Variants in TSC2 observed in about 807,000 individuals in gnomAD.
TSC2 encodes the protein TSC complex subunit 2, also known as tuberin.
TSC2 carries 29 observed loss-of-function variants against 202.2 expected under a neutral mutation model. The ratio of observed to expected loss-of-function variants is 0.14; its 90% CI spans 0.11 to 0.20. The LOEUF is 0.20. TSC2 is among the 10% of genes least tolerant of loss of function. The pLI, the probability that TSC2 is intolerant of heterozygous loss-of-function variation, is 1.00. For synonymous variants in TSC2, 1,349 were observed against 1,044.0 expected (o/e 1.29, Z -5.63); for missense variants, 2,429 against 2,420.0 (o/e 1.00, Z -0.08).
chr16:2,053,579 C>T (rs1567396408), intron 4 of TSC2, 127 bp downstream of exon 4: 2 of 975,794 alleles, frequency 2.0e-6, no homozygotes, highest in Non-Finnish European at 1.6e-6. Context: ...GGCTGATGGG[C>T]TCTGGAGCTG....
In TSC2 at chr16:2,088,977, C is replaced by G. The variant is rs978783873; in HGVS notation, c.*367C>G. 6.6e-6 allele frequency: 2 copies of G among 304,192 alleles called. No individual in the cohort carries two copies. Among genetic ancestry groups the G allele is most frequent in the Non-Finnish European group, 1.3e-5 (2 of 158,486 alleles). The allele number at this position is 304,192 out of a possible 1,614,324, so 18.8% of individuals were successfully genotyped here. ...ACCACCCTGGGGTCCTCTGACATGC[C>G]TAGTCCTGCTACTTGCCCAGACCTG... On this transcript the variant is annotated 3_prime_UTR_variant, in exon 42 of 42. Transcript: ENST00000219476.
chr16:2,087,994 C>T (rs2091072133), intron 39 of TSC2, 53 bp downstream of exon 39: 5 of 1,612,696 alleles, frequency 3.1e-6, no homozygotes, highest in Middle Eastern at 1.6e-4. Flanking sequence ...GGGTGGGGCC[C>T]TGCAGTGTGG....
intron 16 of TSC2, among the ~76,000 whole-genome samples, chr16:2,069,580 C>T (rs1040536321): frequency 2.8e-4 from 43 of 151,864 alleles, no homozygotes; most frequent in African/African-American, 8.5e-4. Flanking sequence ...CCTGGGTTCA[C>T]GCCATTCTCC....
rs45517278 is a variant in TSC2 at position 2,079,090 on chromosome 16, G to T, written c.3025G>T (p.Ala1009Ser). ...SLGSADENSV[A>S]QADDSLKNLH... is the part of the protein sequence containing the mutation. ...GGGGTCTGCAGATGAGAACTCCGTGGCCCAGGCTGACGATAGCCTGAAAAA... is the reference window on the plus strand; with the variant it reads ...GGGGTCTGCAGATGAGAACTCCGTGTCCCAGGCTGACGATAGCCTGAAAAA... Residue 1009 changes from alanine to serine, a missense_variant, in exon 27 of 42, where the codon GCC becomes TCC. Transcript: ENST00000219476. The surrounding 1 kb of genome is among the most constrained non-coding windows in gnomAD (Gnocchi z 4.6). 6.2e-7 allele frequency: 1 copy of T among 1,612,988 alleles called. No individual in the cohort carries two copies. The highest frequency in any genetic ancestry group is 8.5e-7 in the Non-Finnish European group (1 of 1,180,014).
At chr16:2,083,894 C>T in intron 33 of TSC2, 78 bp downstream of exon 33, 1 of 1,533,742 alleles carries the variant, frequency 6.5e-7, no homozygotes. Flanking sequence ...GTGGGTGTGC[C>T]TGCACCCTGG....
At chr16:2,082,635 C>G in intron 32 of TSC2, 131 bp downstream of exon 32, 1 of 976,382 alleles carries the variant, frequency 1.0e-6, no homozygotes, top group Non-Finnish European at 1.6e-6. Context: ...GGTCCCGACT[C>G]GCATGAGGAC....
intron 10 of TSC2, 139 bp from the exon 11 acceptor site, chr16:2,060,531 G>T: frequency 6.8e-7 from 1 of 1,473,444 alleles, no homozygotes; most frequent in Non-Finnish European, 9.4e-7. Flanking sequence ...CCCACCTGCT[G>T]TTTCTGCGGC....
At chr16:2,083,862 C>T (rs954111438) in intron 33 of TSC2, 46 bp downstream of exon 33, 2 of 1,588,028 alleles carry the variant, frequency 1.3e-6, no homozygotes, top group Admixed American at 1.7e-5. Context: ...CGGGGGGCTC[C>T]TTAGGGGAGG....
rs1265446222 is a variant in TSC2 at position 2,054,357 on chromosome 16, A to T, written c.398A>T (p.Asn133Ile). 6.2e-7 allele frequency: 1 copy of T among 1,614,196 alleles called. No individual in the cohort carries two copies. Among genetic ancestry groups the T allele is most frequent in the East Asian group, 2.2e-5 (1 of 44,880 alleles). Reference sequence around the variant, plus strand: ...AAGGTCATCAAGGATTACCCTTCCAACGAAGACCTTCACGAAAGGCTGGAG... The same window carrying T: ...AAGGTCATCAAGGATTACCCTTCCATCGAAGACCTTCACGAAAGGCTGGAG... ...FFKVIKDYPS[N>I]EDLHERLEVF... Residue 133 changes from asparagine to isoleucine, a missense_variant, in exon 5 of 42, where the codon AAC (asparagine) becomes ATC (isoleucine). Transcript: ENST00000219476.
Position 2,063,005 on chromosome 16 carries a change from G to A in TSC2, c.1395G>A (p.Val465=), listed in dbSNP as rs2151171914. Residue 465 remains valine, a synonymous_variant, in exon 14 of 42, where the codon GTG becomes GTA. Coordinates refer to ENST00000219476, the MANE Select transcript of TSC2 (RefSeq NM_000548.5). ...SESRGAVRIK[V]LDVLSFVLLI... ...CCCGAGGCGCCGTGCGCATCAAGGT[G>A]CTGGACGTGCTGTCCTTTGTGCTGC... 1 of 1,551,390 alleles carries A rather than the reference G, an allele frequency of 6.4e-7. No homozygotes were observed.
chr16:2,074,414 T>C (rs1180561875), intron 22 of TSC2, 25 bp downstream of exon 22: 2 of 1,606,324 alleles, frequency 1.2e-6, no homozygotes, highest in East Asian at 4.5e-5. Context: ...TGCCTGCGCA[T>C]GCACCCGAGA....
rs774895427 is a variant in TSC2, at chr16:2,071,553, G to A, written c.1883G>A (p.Arg628His). Reference sequence around the variant, plus strand: ...CTGCTGCGGGCCGACTCACTGCACCGCCTGGGCCTGCCCAACAAGGATGGA... The same window carrying A: ...CTGCTGCGGGCCGACTCACTGCACCACCTGGGCCTGCCCAACAAGGATGGA... ...LLLLRADSLH[R>H]LGLPNKDGVV... The change falls in exon 18 of 42, where the codon CGC becomes CAC. Residue 628 changes from arginine (R) to histidine (H), a missense_variant. By Grantham distance (29) the Arg-to-His change is conservative. Transcript: ENST00000219476. 2.3e-5 allele frequency: 37 copies of A among 1,613,448 alleles called. No homozygotes were observed. The highest frequency in any genetic ancestry group is 3.1e-5 in the Non-Finnish European group (36 of 1,180,034).
intron 15 of TSC2, 186 bp downstream of exon 15, chr16:2,064,613 T>A: frequency 1.2e-6 from 1 of 869,028 alleles, no homozygotes; most frequent in Non-Finnish European, 1.8e-6. Flanking sequence ...ATTTGTGTCC[T>A]GACTGAAAGT....
chr16:2,062,367 C>A, intron 12 of TSC2, 130 bp from the exon 13 acceptor site: 1 of 879,626 alleles, frequency 1.1e-6, no homozygotes, highest in South Asian at 1.5e-5. Flanking sequence ...GCCTTTGTGT[C>A]TGGGCTGTGG....
At chr16:2,073,973 C>T (rs1326977348) in intron 21 of TSC2, among the ~76,000 whole-genome samples, 1 of 152,266 alleles carries the variant, frequency 6.6e-6, no homozygotes, top group Non-Finnish European at 1.5e-5. Flanking sequence ...CCCAGCATGT[C>T]TGGGTTCTGT....
At chr16:2,055,571 G>T (rs188017426) in intron 6 of TSC2, 52 bp downstream of exon 6, 8 of 1,546,230 alleles carry the variant, frequency 5.2e-6, no homozygotes, top group East Asian at 4.5e-5. Flanking sequence ...GTTCAGCTCC[G>T]CAGTGAATAA....
chr16:2,078,584 C>CGGTGGTCGCCGTATCATTAAA, intron 26 of TSC2: 2 of 281,912 alleles, frequency 7.1e-6, no homozygotes, highest in Non-Finnish European at 1.4e-5. Context: ...GTGTGGAGCT[C>CGGTGGTCGCCGTATCATTAAA]AGGCAGCCGC....
chr16:2,054,207 G>A, intron 4 of TSC2, 89 bp from the exon 5 acceptor site: 1 of 1,605,396 alleles, frequency 6.2e-7, no homozygotes, highest in Non-Finnish European at 8.5e-7. Flanking sequence ...CAGGGCTGGA[G>A]TCCGGGTGCC....
rs529885790 is a variant in TSC2, at chr16:2,057,258, A to G, written c.848+80A>G. 53 of 1,499,478 alleles carry G rather than the reference A, an allele frequency of 3.5e-5. No homozygotes were observed. The East Asian group carries it at 1.2e-3, about 35-fold the overall frequency. The allele number at this position is 1,499,478 out of a possible 1,614,324, so 92.9% of individuals were successfully genotyped here. ...AGCTCCAGTGTCCCTTGCCAAGCAC[A>G]CACTGGCTTAGAGAGTCCTTGTCCT... On this transcript the variant is annotated intron_variant, in intron 9 of 41. Coordinates refer to ENST00000219476, the MANE Select transcript of TSC2 (RefSeq NM_000548.5).
Sources: allele counts gnomAD v4.1 joint callset (sites outside exome capture counted in the v4.1 genomes callset), GRCh38; gene constraint gnomAD v4.1.1; non-coding constraint Gnocchi (gnomAD v3.1); transcripts MANE v1.5; gene names NCBI Gene and HGNC (gene_info 2026-07-23, HGNC 2026-07-21).